The following RPS4X variants were observed in gnomAD, a reference collection of about 807,000 sequenced individuals.
RPS4X encodes the protein small ribosomal subunit protein eS4, X isoform.
For missense variants in RPS4X, 90 were observed against 219.1 expected, an observed-to-expected ratio of 0.41 and a Z score of 3.72; for synonymous variants, 76 against 76.8, an observed-to-expected ratio of 0.99 and a Z score of 0.06.
At chrX:72,272,868 A>C in intron 6 of RPS4X, 96 bp from the exon 7 acceptor site, 2 of 602,843 alleles carry the variant, frequency 3.3e-6, no homozygotes, top group South Asian at 6.0e-5. Flanking sequence ...ACAGAACTGA[A>C]GCCTGTTTGT....
chrX:72,275,430 G>T, intron 3 of RPS4X, 114 bp downstream of exon 3: 1 of 592,776 alleles, frequency 1.7e-6, no homozygotes, highest in Non-Finnish European at 2.7e-6. Flanking sequence ...GGAAGGTCAG[G>T]CTTTGTTTCT....
At position 72,273,789 on chromosome X, in the gene RPS4X, G is replaced by C. The variant is rs752758294; in HGVS notation, c.532+12C>G. 17 of 1,201,840 alleles carry C rather than the reference G, an allele frequency of 1.4e-5. No individual in the cohort carries two copies. Among genetic ancestry groups the C allele is most frequent in the Non-Finnish European group, 1.9e-5 (17 of 886,968 alleles). ...TTAAAGAGGGTGCCCAGGTAGCACAGAGGATGCTTACCAGTGTCGAACTTG... is the reference window on the plus strand; with the variant it reads ...TTAAAGAGGGTGCCCAGGTAGCACACAGGATGCTTACCAGTGTCGAACTTG... On this transcript the variant is annotated intron_variant, in intron 5 of 6. Transcript: ENST00000316084.
chrX:72,276,066 A>C, intron 2 of RPS4X, 91 bp downstream of exon 2: 1 of 705,045 alleles, frequency 1.4e-6, no homozygotes, highest in South Asian at 2.4e-5. Context: ...GAAGCCAAGA[A>C]TAGATATTCC....
Position 72,274,532 on chromosome X carries a change from T to C in RPS4X, c.360+521A>G, listed in dbSNP as rs1385958804. 5.5e-5 allele frequency: 18 copies of C among 326,188 alleles called. No individual in the cohort carries two copies. In the Admixed American group the frequency reaches 6.2e-4, roughly 11 times the overall value. The allele number at this position is 326,188 out of a possible 1,213,427, so 26.9% of individuals were successfully genotyped here. On this transcript the variant is annotated intron_variant, in intron 4 of 6. Transcript: ENST00000316084. ...AGCCCTAAACTTTTGTGTAAAACCA[T>C]CAAAACAAACTGGATTAAATAATCA...
intron 3 of RPS4X, 58 bp downstream of exon 3, chrX:72,275,486 T>C (rs1392240752): frequency 1.1e-6 from 1 of 942,158 alleles, no homozygotes; most frequent in Non-Finnish European, 1.5e-6. Context: ...CAAGACAGTA[T>C]TTGGATACCA....
At chrX:72,273,453 G>A in intron 5 of RPS4X, 64 bp from the exon 6 acceptor site, 1 of 1,014,057 alleles carries the variant, frequency 9.9e-7, no homozygotes, top group South Asian at 2.4e-5. Flanking sequence ...TCAGAGATGG[G>A]TCCAAACAAA....
chrX:72,275,115 G>A lies in RPS4X; in HGVS notation c.298C>T (p.Arg100Cys). 8.3e-7 allele frequency: 1 copy of A among 1,207,429 alleles called. No homozygotes were observed. Among genetic ancestry groups the A allele is most frequent in the Non-Finnish European group, 1.1e-6 (1 of 892,299 alleles). Reference sequence around the variant, plus strand: ...CGACCCTTGGTGTCATAGATCAGACGGAAATTCTCTCCCGTCTTGTCAATG... The same window carrying A: ...CGACCCTTGGTGTCATAGATCAGACAGAAATTCTCTCCCGTCTTGTCAATG... Reference protein sequence around the residue: ...ISIDKTGENFRLIYDTKGRFA... With the variant: ...ISIDKTGENFCLIYDTKGRFA... The change falls in exon 4 of 7, where the codon CGT becomes TGT. Residue 100 changes from arginine to cysteine, a missense_variant. Coordinates refer to ENST00000316084, the MANE Select transcript of RPS4X (RefSeq NM_001007.5).
chrX:72,274,424 C>T (rs1239807749), intron 4 of RPS4X: 1 of 344,166 alleles, frequency 2.9e-6, no homozygotes, highest in Admixed American at 3.1e-5. Context: ...CTCCAGTCTG[C>T]TGTTAACAAG....
At chrX:72,274,129 C>T (rs140750146) in intron 4 of RPS4X, 157 bp from the exon 5 acceptor site, 10 of 480,442 alleles carry the variant, frequency 2.1e-5, no homozygotes, top group Non-Finnish European at 3.2e-5. Flanking sequence ...CTTCTCTAGG[C>T]TCGTCCTCCT....
chrX:72,275,755 G>A (rs1032858856), intron 2 of RPS4X, 31 bp from the exon 3 acceptor site: 1 of 1,131,657 alleles, frequency 8.8e-7, no homozygotes, highest in African/African-American at 1.8e-5. Context: ...ATCACTGTTG[G>A]GATTCACTAA....
chrX:72,275,310 A>G (rs907894188), intron 3 of RPS4X, among the ~76,000 whole-genome samples, 160 bp from the exon 4 acceptor site: 4 of 112,243 alleles, frequency 3.6e-5, no homozygotes, highest in African/African-American at 9.7e-5. Context: ...CAGATCTTCA[A>G]TATTTCAAAA....
In RPS4X at chrX:72,277,207, G is replaced by GC. The variant is rs2043209127; in HGVS notation, c.-13dup. The GC allele has an allele frequency of 2.5e-6, 3 of 1,209,146 alleles. No homozygotes were observed. The African/African-American group carries it at 5.2e-5, about 21-fold the overall frequency. ...AAACGGCTTACCATGGCTGCGTTAG[G>GC]CAAGGAAAGAGGACCTCCGTCTTCC... On this transcript the variant is annotated 5_prime_UTR_variant, in exon 1 of 7. Transcript: ENST00000316084.
At chrX:72,274,867 TTTAATA>T (rs2043195610) in intron 4 of RPS4X, 180 bp downstream of exon 4, 1 of 404,372 alleles carries the variant, frequency 2.5e-6, no homozygotes, top group Non-Finnish European at 4.4e-6. Flanking sequence ...CAGCCAGACT[TTTAATA>T]ACATGACAAA....
At chrX:72,276,583 CA>C (rs1385289768) in intron 1 of RPS4X, among the ~76,000 whole-genome samples, 2 of 111,906 alleles carry the variant, frequency 1.8e-5, no homozygotes, top group Non-Finnish European at 3.8e-5. Flanking sequence ...TAGTGAAACG[CA>C]CAGCAACAGA....
At position 72,275,535 on chromosome X, in the gene RPS4X, A is replaced by T. The variant is rs767009000; in HGVS notation, c.262+9T>A. ...AATATGCGTCTCCAGAGTATTTAAA[A>T]CTTCTTACCCATGAATCCAGCAGGG... On this transcript the variant is annotated intron_variant, in intron 3 of 6. Transcript: ENST00000316084. The T allele has an allele frequency of 5.8e-5, 62 of 1,074,658 alleles. No homozygotes were observed. The highest frequency in any genetic ancestry group is 7.4e-5 in the Non-Finnish European group (61 of 818,862). The allele number at this position is 1,074,658 out of a possible 1,213,427, so 88.6% of individuals were successfully genotyped here.
intron 3 of RPS4X, 152 bp from the exon 4 acceptor site, chrX:72,275,302 G>A: frequency 2.1e-6 from 1 of 470,919 alleles, no homozygotes; most frequent in Non-Finnish European, 3.6e-6. Context: ...ATCACGGCCA[G>A]ATCTTCAATA....
rs747826302 is a variant in RPS4X at position 72,272,582 on chromosome X, A to C, written c.*89T>G. 1.0e-4 allele frequency: 61 copies of C among 585,683 alleles called. No homozygotes were observed. Among genetic ancestry groups the C allele is most frequent in the South Asian group, 3.0e-4 (10 of 33,506 alleles). 48.3% of individuals were successfully genotyped at this position (585,683 alleles called of 1,213,427 possible). On this transcript the variant is annotated 3_prime_UTR_variant, in exon 7 of 7. Transcript: ENST00000316084. ...TAGCAGGAAACTGAATTAAAAAAAA[A>C]AACAACCCACAAAACCAAAATGCTA...
chrX:72,276,145 T>C lies in RPS4X; in HGVS notation c.81+12A>G, dbSNP rs2043202432. On this transcript the variant is annotated intron_variant, in intron 2 of 6. Transcript: ENST00000316084. ...AACAGTGGCCACGGAAATATTTATA[T>C]AAGATACTTACAAACACACCGGTCA... is the stretch of plus-strand genomic sequence containing the variant. The C allele has an allele frequency of 1.7e-6, 2 of 1,189,758 alleles. No individual in the cohort carries two copies. The highest frequency in any genetic ancestry group is 2.3e-6 in the Non-Finnish European group (2 of 875,991).
chrX:72,273,873 T>G lies in RPS4X; in HGVS notation c.460A>C (p.Ile154Leu). Residue 154 changes from isoleucine (I) to leucine (L), a missense_variant, in exon 5 of 7, where the codon ATC (isoleucine) becomes CTC (leucine). By Grantham distance (5) the Ile-to-Leu change is conservative (BLOSUM62 2). Coordinates refer to ENST00000316084, the MANE Select transcript of RPS4X (RefSeq NM_001007.5). Reference protein sequence around the residue: ...ARTIRYPDPLIKVNDTIQIDL... With the variant: ...ARTIRYPDPLLKVNDTIQIDL... ...ATCTGAATGGTATCATTCACCTTGA[T>G]GAGGGGATCGGGGTAGCGGATGGTG... The G allele has an allele frequency of 8.3e-7, 1 of 1,205,746 alleles. No individual in the cohort carries two copies. Among genetic ancestry groups the G allele is most frequent in the Non-Finnish European group, 1.1e-6 (1 of 890,299 alleles).
Sources: allele counts gnomAD v4.1 joint callset (sites outside exome capture counted in the v4.1 genomes callset), GRCh38; gene constraint gnomAD v4.1.1; transcripts MANE v1.5; gene names NCBI Gene and HGNC (gene_info 2026-07-23, HGNC 2026-07-21).